MAP7D2: variants seen among roughly 807,000 people sequenced by gnomAD.
The protein encoded by MAP7D2 is MAP7 domain-containing protein 2.
A neutral mutation model predicts 63.5 loss-of-function variants in MAP7D2; 33 were observed. The observed-to-expected ratio is 0.52, with a 90% CI of 0.39 to 0.70. The LOEUF is 0.70. Ranked by LOEUF, MAP7D2 falls within the 30% of genes least tolerant of loss-of-function variation. The probability of loss-of-function intolerance (pLI) is 0.00; values close to 1 mark genes in which losing one functional copy is unlikely to be tolerated. For synonymous variants in MAP7D2, 224 were observed against 223.7 expected (o/e 1.00, Z -0.01); for missense variants, 626 against 604.0 (o/e 1.04, Z -0.38).
chrX:20,055,000 C>T (rs2065037204), intron 4 of MAP7D2, among the ~76,000 whole-genome samples: 1 of 112,033 alleles, frequency 8.9e-6, no homozygotes, highest in African/African-American at 3.2e-5. Context: ...AAAGGAATGT[C>T]AGAAACCAAG....
intron 1 of MAP7D2, 52 bp downstream of exon 1, chrX:20,116,698 C>T: frequency 8.9e-7 from 1 of 1,122,953 alleles, no homozygotes; most frequent in Non-Finnish European, 1.2e-6. Context: ...GGGCCCGCCC[C>T]CCCACAGGAA....
Position 20,025,644 on chromosome X carries a change from C to A in MAP7D2, c.1279+37G>T, listed in dbSNP as rs183251834. 7 of 1,201,198 alleles carry A rather than the reference C, an allele frequency of 5.8e-6. No homozygotes were observed. In the African/African-American group the frequency reaches 8.8e-5, roughly 15 times the overall value. ...CACGTGGATTGGGTCTGAGGAGAAC[C>A]GTCTTGGGAAAGCCAAGGCACGGTG... On this transcript the variant is annotated intron_variant, in intron 9 of 16. Coordinates refer to ENST00000379643, the MANE Select transcript of MAP7D2 (RefSeq NM_001168465.2).
intron 1 of MAP7D2, among the ~76,000 whole-genome samples, chrX:20,103,818 G>A (rs1489626343): frequency 8.9e-6 from 1 of 111,907 alleles, no homozygotes; most frequent in Non-Finnish European, 1.9e-5. Context: ...GGACAGTGTT[G>A]TACCTTGCAT....
At chrX:20,046,375 T>C (rs2064799187) in intron 6 of MAP7D2, among the ~76,000 whole-genome samples, 1 of 112,459 alleles carries the variant, frequency 8.9e-6, no homozygotes, top group Non-Finnish European at 1.9e-5. Flanking sequence ...CAACACATGA[T>C]TCCTACAAAA....
intron 1 of MAP7D2, among the ~76,000 whole-genome samples, chrX:20,076,263 T>C (rs1296284644): frequency 1.8e-5 from 2 of 111,731 alleles, no homozygotes; most frequent in Non-Finnish European, 3.8e-5. Flanking sequence ...GTCACTATTA[T>C]CACCCAATTC....
At chrX:20,090,575 G>A (rs1296165712) in intron 1 of MAP7D2, among the ~76,000 whole-genome samples, 1 of 111,708 alleles carries the variant, frequency 9.0e-6, no homozygotes, top group Non-Finnish European at 1.9e-5. Context: ...AAAGCAGTTA[G>A]AACTTTCATA....
chrX:20,040,340 C>A lies in MAP7D2; in HGVS notation c.1007+2162G>T, dbSNP rs1469471017. Reference sequence around the variant, plus strand: ...CTATTAGTTCTGTCCCTCTGGAGAACCCTGACTAACACAGGCTGTTTCCCT... The same window carrying A: ...CTATTAGTTCTGTCCCTCTGGAGAAACCTGACTAACACAGGCTGTTTCCCT... On this transcript the variant is annotated intron_variant, in intron 8 of 16. Transcript: ENST00000379643. 3.6e-5 allele frequency among the ~76,000 whole-genome samples: 4 copies of A among 112,073 alleles called. No individual in the cohort carries two copies. In the Admixed American group the frequency reaches 3.8e-4, roughly 11 times the overall value.
intron 3 of MAP7D2, among the ~76,000 whole-genome samples, chrX:20,060,428 G>A (rs867329828): frequency 8.7e-5 from 7 of 80,637 alleles, no homozygotes; most frequent in African/African-American, 2.3e-4. Context: ...GAGAGAGAGA[G>A]AGAGAGAAAG....
intron 8 of MAP7D2, among the ~76,000 whole-genome samples, chrX:20,027,884 C>A (rs1398211572): frequency 9.2e-6 from 1 of 108,849 alleles, no homozygotes; most frequent in Non-Finnish European, 1.9e-5. Context: ...GGGTAGTGTC[C>A]AATCCCCATG....
intron 1 of MAP7D2, among the ~76,000 whole-genome samples, chrX:20,093,026 A>C (rs1287716887): frequency 8.9e-6 from 1 of 111,893 alleles, no homozygotes; most frequent in Non-Finnish European, 1.9e-5. Context: ...ATCTGAGACC[A>C]GCTTCCACCC....
chrX:20,016,191 T>C lies in MAP7D2; in HGVS notation c.1547A>G (p.Lys516Arg). 8.4e-7 allele frequency: 1 copy of C among 1,195,329 alleles called. No individual in the cohort carries two copies. ...CTTCCGCTTGGCCTCCTCGCCTGCC[T>C]TTCTTTTCTCTTCCCCTTCCTGTTT... ...KKKQEGEEKRKAGEEAKRKAE... is the reference protein window; with the variant it reads ...KKKQEGEEKRRAGEEAKRKAE... The change falls in exon 11 of 17, where the codon AAG becomes AGG. Residue 516 changes from lysine to arginine, a missense_variant. Transcript: ENST00000379643.
At chrX:20,041,110 G>A (rs891981042) in intron 8 of MAP7D2, among the ~76,000 whole-genome samples, 1 of 111,830 alleles carries the variant, frequency 8.9e-6, no homozygotes, top group Non-Finnish European at 1.9e-5. Flanking sequence ...AAGACAGAGA[G>A]AGGGTGGAGC....
At chrX:20,101,137 G>A (rs149789543) in intron 1 of MAP7D2, among the ~76,000 whole-genome samples, 50 of 111,768 alleles carry the variant, frequency 4.5e-4, no homozygotes, top group African/African-American at 9.7e-4. Context: ...GACTTCTGAC[G>A]TCTGGAATTG....
At position 20,024,975 on chromosome X, in the gene MAP7D2, C is replaced by T. The variant is rs1208992590; in HGVS notation, c.1388G>A (p.Arg463Gln). ...RLQKEQEEQE[R>Q]LEKEEQDRLE... ...CCTATCTTGTTCTTCCTTCTCCAGT[C>T]GTTCTTGCTCCTCCTGTTCCTTCTG... The change falls in exon 10 of 17, where the codon CGA (arginine) becomes CAA (glutamine). Residue 463 changes from arginine (R) to glutamine (Q), a missense_variant. Arg to Gln is a conservative substitution (Grantham distance 43). Transcript: ENST00000379643. 2 of 1,209,731 alleles carry T rather than the reference C, an allele frequency of 1.7e-6. No individual in the cohort carries two copies. The highest frequency in any genetic ancestry group is 2.2e-6 in the Non-Finnish European group (2 of 895,026).
rs1399284493 is a variant in MAP7D2 at position 20,094,563 on chromosome X, T to C, written c.130+22187A>G. Among the ~76,000 whole-genome samples the C allele has an allele frequency of 5.6e-4, 8 of 14,316 alleles. 1 individual carries two copies. Among genetic ancestry groups the C allele is most frequent in the East Asian group, 2.7e-3 (1 of 375 alleles). 12.4% of individuals were successfully genotyped at this position (14,316 alleles called of 115,157 possible). ...ATATGTATATATATATATATATATA[T>C]ATATACATATATATGTATATATATA... is the stretch of plus-strand genomic sequence containing the variant. On this transcript the variant is annotated intron_variant, in intron 1 of 16. Transcript: ENST00000379643.
At chrX:20,031,776 C>G (rs1043194129) in intron 8 of MAP7D2, among the ~76,000 whole-genome samples, 3 of 111,665 alleles carry the variant, frequency 2.7e-5, no homozygotes, top group African/African-American at 9.8e-5. Context: ...CAAAAAAACC[C>G]AGAATCTTAC....
intron 6 of MAP7D2, among the ~76,000 whole-genome samples, chrX:20,046,298 T>C (rs2064797350): frequency 8.9e-6 from 1 of 112,312 alleles, no homozygotes; most frequent in African/African-American, 3.2e-5. Flanking sequence ...TGTTCTCTGA[T>C]GGGACCATCC....
intron 1 of MAP7D2, among the ~76,000 whole-genome samples, chrX:20,094,520 A>ATATATATATATATG (rs2066175854): frequency 9.9e-5 from 1 of 10,073 alleles, no homozygotes; most frequent in Non-Finnish European, 1.5e-4. Context: ...ATATATGTAT[A>ATATATATATATATG]TATATATATA....
chrX:20,037,941 TG>T (rs2064543022), intron 8 of MAP7D2, among the ~76,000 whole-genome samples: 1 of 111,689 alleles, frequency 9.0e-6, no homozygotes, highest in Admixed American at 9.5e-5. Flanking sequence ...CATTGCACAA[TG>T]GGTCCATGAA....
Sources: gnomAD v4.1 joint callset for allele counts (sites outside exome capture counted in the v4.1 genomes callset) on GRCh38, gnomAD v4.1.1 for gene constraint, MANE v1.5 for transcripts, NCBI Gene and HGNC (gene_info 2026-07-23, HGNC 2026-07-21) for gene names.